The following SCN4A variants were observed in gnomAD, a reference collection of about 807,000 sequenced individuals.
The protein encoded by SCN4A is sodium voltage-gated channel alpha subunit 4.
SCN4A carries 83 observed loss-of-function variants against 162.0 expected under a neutral mutation model. That is an observed-to-expected ratio of 0.51 (90% CI 0.43 to 0.61). SCN4A has a LOEUF of 0.61. Among genes scored for constraint, SCN4A ranks in the 20% least tolerant of loss-of-function variants. The pLI, the probability that SCN4A is intolerant of heterozygous loss-of-function variation, is 0.00. For missense variants in SCN4A, 2,196 were observed against 2,462.5 expected, an observed-to-expected ratio of 0.89 and a Z score of 2.29; for synonymous variants, 944 against 985.1, an observed-to-expected ratio of 0.96 and a Z score of 0.78.
chr17:63,968,079 T>C lies in SCN4A; in HGVS notation c.980A>G (p.His327Arg), dbSNP rs1319892743. Residue 327 changes from histidine to arginine, a missense_variant, in exon 6 of 24, where the codon CAT becomes CGT. Coordinates refer to ENST00000435607, the MANE Select transcript of SCN4A (RefSeq NM_000334.4). ...GGTATCGTTGGTGGCCCAGCTTGCATGGCTGTTCCACGTGTCGTTGGCATA... is the reference window on the plus strand; with the variant it reads ...GGTATCGTTGGTGGCCCAGCTTGCACGGCTGTTCCACGTGTCGTTGGCATA... ...SWYANDTWNS[H>R]ASWATNDTFD... 1.2e-6 allele frequency: 2 copies of C among 1,614,012 alleles called. No homozygotes were observed. The highest frequency in any genetic ancestry group is 2.2e-5 in the East Asian group (1 of 44,886).
rs904630001 is a variant in SCN4A at position 63,944,928 on chromosome 17, G to A, written c.3774+79C>T. On this transcript the variant is annotated intron_variant, in intron 20 of 23. Transcript: ENST00000435607. The surrounding 1 kb of genome is among the most constrained non-coding windows in gnomAD (Gnocchi z 4.3). ...GGCTGCCAAGTCTCGGGGACAGAAC[G>A]TGCTGCCAAGTCTCCCTCCTGTCTT... 1.8e-5 allele frequency: 29 copies of A among 1,588,810 alleles called. No homozygotes were observed. In the East Asian group the frequency reaches 4.3e-4, roughly 23 times the overall value.
chr17:63,957,113 T>G, intron 13 of SCN4A, 49 bp downstream of exon 13: 1 of 1,283,944 alleles, frequency 7.8e-7, no homozygotes, highest in South Asian at 1.4e-5. Flanking sequence ...AGGTACATCT[T>G]GTACGCTTCC....
At chr17:63,960,673 A>C (rs946420432) in intron 11 of SCN4A, among the ~76,000 whole-genome samples, 19 of 152,078 alleles carry the variant, frequency 1.2e-4, no homozygotes, top group African/African-American at 4.3e-4. Flanking sequence ...ACAATAGTGG[A>C]GCAGGAAAGG....
In SCN4A at chr17:63,968,056, T is replaced by A; in HGVS notation, c.1003A>T (p.Thr335Ser). 1 of 1,613,772 alleles carries A rather than the reference T, an allele frequency of 6.2e-7. No homozygotes were observed. Among genetic ancestry groups the A allele is most frequent in the Non-Finnish European group, 8.5e-7 (1 of 1,179,872 alleles). The change falls in exon 6 of 24, where the codon ACC (threonine) becomes TCC (serine). Residue 335 changes from threonine to serine, a missense_variant. Transcript: ENST00000435607. ...NSHASWATND[T>S]FDWDAYISDE... Reference sequence around the variant, plus strand: ...CTGATGTAGGCGTCCCAATCAAAGGTATCGTTGGTGGCCCAGCTTGCATGG... The same window carrying A: ...CTGATGTAGGCGTCCCAATCAAAGGAATCGTTGGTGGCCCAGCTTGCATGG...
intron 7 of SCN4A, 71 bp from the exon 8 acceptor site, chr17:63,966,314 AG>A: frequency 6.6e-7 from 1 of 1,519,106 alleles, no homozygotes; most frequent in Non-Finnish European, 9.0e-7. Context: ...AGGGACCCCA[AG>A]GGAAAAATTC....
Position 63,942,915 on chromosome 17 carries a change from C to A in SCN4A, c.4199G>T (p.Cys1400Phe). Residue 1400 changes from cysteine to phenylalanine, a missense_variant, in exon 23 of 24, where the codon TGC becomes TTC. By Grantham distance (205) the Cys-to-Phe change is radical. Coordinates refer to ENST00000435607, the MANE Select transcript of SCN4A (RefSeq NM_000334.4). ...MIFIIIFTGE[C>F]VLKMLALRQY... ...GCGCAGGGCGAGCATCTTGAGCACG[C>A]ACTCCCCTGTGAAGATGATGATGAA... is the stretch of plus-strand genomic sequence containing the variant. 1 of 1,614,056 alleles carries A rather than the reference C, an allele frequency of 6.2e-7. No individual in the cohort carries two copies.
chr17:63,942,853 A>G lies in SCN4A; in HGVS notation c.4261T>C (p.Phe1421Leu). The G allele has an allele frequency of 6.2e-7, 1 of 1,613,982 alleles. No individual in the cohort carries two copies. The highest frequency in any genetic ancestry group is 8.5e-7 in the Non-Finnish European group (1 of 1,179,826). ...ACAATGGACAGGATGACGACCACGAAGTCAAAGATGTTCCAGCCAACGGTG... is the reference window on the plus strand; with the variant it reads ...ACAATGGACAGGATGACGACCACGAGGTCAAAGATGTTCCAGCCAACGGTG... ...YFTVGWNIFD[F>L]VVVILSIVGL... The change falls in exon 23 of 24, where the codon TTC becomes CTC. Residue 1421 changes from phenylalanine (F) to leucine (L), a missense_variant. Coordinates refer to ENST00000435607, the MANE Select transcript of SCN4A (RefSeq NM_000334.4).
Position 63,961,230 on chromosome 17 carries a change from G to C in SCN4A, c.1808C>G (p.Thr603Arg), listed in dbSNP as rs767603831. The C allele has an allele frequency of 1.5e-5, 20 of 1,363,662 alleles. No individual in the cohort carries two copies. In the African/African-American group the frequency reaches 2.3e-4, roughly 15 times the overall value. The allele number at this position is 1,363,662 out of a possible 1,614,324, so 84.5% of individuals were successfully genotyped here. A position where few individuals can be genotyped will look rare whatever the true frequency, so the allele number is the denominator to read the frequency against. ...LFMAMEHYPM[T>R]EHFDNVLTVG... ...AGTGAGCACGTTGTCAAAGTGCTCC[G>C]TCATGGGGTAATGTTCCATGGCCAT... The change falls in exon 11 of 24, where the codon ACG becomes AGG. Residue 603 changes from threonine (T) to arginine (R), a missense_variant. Coordinates refer to ENST00000435607, the MANE Select transcript of SCN4A (RefSeq NM_000334.4).
In SCN4A at chr17:63,947,998, C is replaced by T. The variant is rs749973882; in HGVS notation, c.3210G>A (p.Lys1070=). The change falls in exon 17 of 24, where the codon AAG becomes AAA. Residue 1070 remains lysine (K), a synonymous_variant. Coordinates refer to ENST00000435607, the MANE Select transcript of SCN4A (RefSeq NM_000334.4). Reference sequence around the variant, plus strand: ...CCATGATGAAGATGTAGGTGAAGACCTTGTCGGCATATTCTAGGATGGTGC... The same window carrying T: ...CCATGATGAAGATGTAGGTGAAGACTTTGTCGGCATATTCTAGGATGGTGC... The part of the protein sequence containing the change: ...VIRTILEYAD[K]VFTYIFIMEM... 1.9e-6 allele frequency: 3 copies of T among 1,613,912 alleles called. No homozygotes were observed. Among genetic ancestry groups the T allele is most frequent in the Non-Finnish European group, 2.5e-6 (3 of 1,179,826 alleles).
rs754110462 is a variant in SCN4A at position 63,951,826 on chromosome 17, G to A, written c.2451C>T (p.Gly817=). 11 of 1,576,734 alleles carry A rather than the reference G, an allele frequency of 7.0e-6. No homozygotes were observed. Among genetic ancestry groups the A allele is most frequent in the South Asian group, 4.6e-5 (4 of 86,512 alleles). The change falls in exon 14 of 24, where the codon GGC becomes GGT. Residue 817 remains glycine, a synonymous_variant. Transcript: ENST00000435607. The surrounding 1 kb of genome is among the most constrained non-coding windows in gnomAD (Gnocchi z 4.5). ...TGGCAATCTGCAGGTTGTTCATCTC[G>A]CCATCCTCATCCGAGGCTGCCAGAC... ...ADSLAASDED[G]EMNNLQIAIG...
At chr17:63,966,973 G>A (rs542802047) in intron 6 of SCN4A, among the ~76,000 whole-genome samples, 49 of 152,274 alleles carry the variant, frequency 3.2e-4, no homozygotes, top group African/African-American at 1.2e-3. Flanking sequence ...GAGAATGTGT[G>A]TGTTTCTGGC....
At chr17:63,952,024 A>C in intron 13 of SCN4A, 124 bp from the exon 14 acceptor site, 1 of 619,198 alleles carries the variant, frequency 1.6e-6, no homozygotes. Context: ...ATTTAAAAGA[A>C]CGCCACCTAA....
Position 63,963,762 on chromosome 17 carries a change from A to G in SCN4A, c.1516T>C (p.Cys506Arg), listed in dbSNP as rs1909345604. The change falls in exon 10 of 24, where the codon TGC becomes CGC. Residue 506 changes from cysteine to arginine, a missense_variant. Transcript: ENST00000435607. ...ADGDPAHGKD[C>R]NGSLDTSQGE... ...TGCGATGTGTCCAGGCTGCCATTGC[A>G]GTCTTTGCCATGGGCTGGGTCCCCA... 6.2e-7 allele frequency: 1 copy of G among 1,609,464 alleles called. No homozygotes were observed. The highest frequency in any genetic ancestry group is 1.3e-5 in the African/African-American group (1 of 74,980).
intron 12 of SCN4A, among the ~76,000 whole-genome samples, chr17:63,958,535 G>C (rs139133259): frequency 2.0e-5 from 3 of 152,164 alleles, no homozygotes; most frequent in Non-Finnish European, 4.4e-5. Flanking sequence ...TGCATGAAAA[G>C]ATCCCTTGAT....
chr17:63,958,402 G>A (rs898008746), intron 12 of SCN4A, among the ~76,000 whole-genome samples: 2 of 152,130 alleles, frequency 1.3e-5, no homozygotes, highest in African/African-American at 4.8e-5. Context: ...TTATATGTTG[G>A]GATTTGCTTT....
Position 63,951,666 on chromosome 17 carries a change from C to T in SCN4A, c.2611G>A (p.Gly871Arg), listed in dbSNP as rs775977415. 1 of 1,606,048 alleles carries T rather than the reference C, an allele frequency of 6.2e-7. No homozygotes were observed. Among genetic ancestry groups the T allele is most frequent in the Non-Finnish European group, 8.5e-7 (1 of 1,176,266 alleles). The stretch of plus-strand genomic sequence containing the variant: ...TTCTCATCCTCGGGGGCAGTCTCCC[C>T]CGCCTCTCCAGCCTCCCCGGCCCCG... The part of the protein sequence containing the change: ...ADGAGEAGEA[G>R]ETAPEDEKKE... The change falls in exon 14 of 24, where the codon GGG becomes AGG. Residue 871 changes from glycine to arginine, a missense_variant. Physicochemically the swap from Gly to Arg is moderately radical, Grantham distance 125 (BLOSUM62 -2). Transcript: ENST00000435607. This position sits in a 1 kb window ranked among gnomAD's most constrained non-coding sequence, Gnocchi z 4.5.
chr17:63,964,401 C>G, intron 9 of SCN4A, 67 bp downstream of exon 9: 1 of 1,456,038 alleles, frequency 6.9e-7, no homozygotes, highest in Admixed American at 1.7e-5. Flanking sequence ...AGGGAGAAGC[C>G]AGTGGCAGCC....
intron 16 of SCN4A, 46 bp from the exon 17 acceptor site, chr17:63,948,109 G>C (rs1908786988): frequency 4.6e-6 from 7 of 1,530,356 alleles, no homozygotes; most frequent in Non-Finnish European, 6.2e-6. Context: ...CAGCAGGCTG[G>C]GGTGGCAGCC....
At position 63,944,937 on chromosome 17, in the gene SCN4A, A is replaced by G. The variant is rs2144778704; in HGVS notation, c.3774+70T>C. ...GTCTCGGGGACAGAACGTGCTGCCA[A>G]GTCTCCCTCCTGTCTTGAGTCCTCT... On this transcript the variant is annotated intron_variant, in intron 20 of 23. Transcript: ENST00000435607. This position sits in a 1 kb window ranked among gnomAD's most constrained non-coding sequence, Gnocchi z 4.3. 1.9e-6 allele frequency: 3 copies of G among 1,593,142 alleles called. No homozygotes were observed. The highest frequency in any genetic ancestry group is 1.1e-5 in the South Asian group (1 of 89,522).
Sources: allele counts gnomAD v4.1 joint callset (sites outside exome capture counted in the v4.1 genomes callset), GRCh38; gene constraint gnomAD v4.1.1; non-coding constraint Gnocchi (gnomAD v3.1); transcripts MANE v1.5; gene names NCBI Gene and HGNC (gene_info 2026-07-23, HGNC 2026-07-21).